The following BBS9 variants were observed in gnomAD, a reference collection of about 807,000 sequenced individuals.
BBS9 encodes Bardet-Biedl syndrome 9.
Under a neutral mutation model 117.7 loss-of-function variants are expected in BBS9, and 89 were observed. The ratio of observed to expected loss-of-function variants is 0.76; its 90% CI spans 0.64 to 0.90. The LOEUF (loss-of-function observed/expected upper bound fraction) is 0.90. Among genes scored for constraint, BBS9 ranks in the 40% least tolerant of loss-of-function variants. The pLI is 0.00. For missense variants in BBS9, 982 were observed against 1,042.2 expected (o/e 0.94, Z 0.80); for synonymous variants, 379 against 370.9 (o/e 1.02, Z -0.25).
chr7:33,531,543 A>G (rs1850581875), intron 20 of BBS9, among the ~76,000 whole-genome samples: 1 of 152,216 alleles, frequency 6.6e-6, no homozygotes, highest in African/African-American at 2.4e-5. Flanking sequence ...GAGCTCATTC[A>G]AAGAAGAGTG....
At chr7:33,165,992 G>T (rs548936978) in intron 4 of BBS9, among the ~76,000 whole-genome samples, 2 of 152,298 alleles carry the variant, frequency 1.3e-5, no homozygotes, top group African/African-American at 2.4e-5. Flanking sequence ...TTTGGTCTTT[G>T]ATGTTGGTGA....
chr7:33,551,429 C>T (rs112931954), intron 21 of BBS9, among the ~76,000 whole-genome samples: 1 of 152,044 alleles, frequency 6.6e-6, no homozygotes, highest in Non-Finnish European at 1.5e-5. Flanking sequence ...TGAATCTTCC[C>T]TTTCAAAATA....
chr7:33,628,710 C>T (rs887044990), intron 21 of BBS9, among the ~76,000 whole-genome samples: 1 of 152,120 alleles, frequency 6.6e-6, no homozygotes, highest in Non-Finnish European at 1.5e-5. Context: ...AGGTAGTGCA[C>T]AGAAATTGGA....
chr7:33,431,121 G>A (rs1035480848), intron 19 of BBS9, among the ~76,000 whole-genome samples: 2 of 151,854 alleles, frequency 1.3e-5, no homozygotes, highest in African/African-American at 4.8e-5. Flanking sequence ...CTTGAGCCTG[G>A]GAGGCAGAGG....
chr7:33,380,997 T>G (rs185160891), intron 17 of BBS9: 1 of 152,228 alleles, frequency 6.6e-6, no homozygotes, highest in East Asian at 1.9e-4. Flanking sequence ...ATGATCTTTC[T>G]TTCACACCGA....
intron 15 of BBS9, among the ~76,000 whole-genome samples, chr7:33,355,550 G>T (rs555032171): frequency 5.3e-5 from 8 of 151,802 alleles, no homozygotes; most frequent in African/African-American, 1.7e-4. Context: ...AAGTATGAGT[G>T]TCATCATTTT....
intron 1 of BBS9, among the ~76,000 whole-genome samples, chr7:33,130,831 G>A (rs986128594): frequency 8.6e-5 from 13 of 151,890 alleles, no homozygotes; most frequent in Non-Finnish European, 1.5e-5. Flanking sequence ...GAGTTTAAGG[G>A]ATTTTTCCTT....
At chr7:33,137,912 CATT>C (rs1790787853) in intron 1 of BBS9, among the ~76,000 whole-genome samples, 1 of 152,172 alleles carries the variant, frequency 6.6e-6, no homozygotes, top group South Asian at 2.1e-4. Context: ...GCATGAAAGT[CATT>C]GTTGTTGCTC....
chr7:33,257,559 AT>A, intron 6 of BBS9, 149 bp downstream of exon 6: 1 of 766,186 alleles, frequency 1.3e-6, no homozygotes, highest in Non-Finnish European at 2.2e-6. Flanking sequence ...AGACTATATC[AT>A]TTACTATTGT....
chr7:33,393,138 C>A (rs1827343035), intron 19 of BBS9, among the ~76,000 whole-genome samples: 1 of 151,976 alleles, frequency 6.6e-6, no homozygotes, highest in Non-Finnish European at 1.5e-5. Context: ...TGTATTCTAG[C>A]CTGGGCAACA....
At chr7:33,382,589 T>C (rs1387574413) in intron 17 of BBS9, among the ~76,000 whole-genome samples, 2 of 152,190 alleles carry the variant, frequency 1.3e-5, no homozygotes, top group Non-Finnish European at 2.9e-5. Context: ...TAAGTCTCTA[T>C]ATAAATTCAG....
At chr7:33,421,507 G>A (rs1041044158) in intron 19 of BBS9, among the ~76,000 whole-genome samples, 8 of 152,080 alleles carry the variant, frequency 5.3e-5, no homozygotes, top group Admixed American at 1.3e-4. Context: ...CCATGAGAAC[G>A]TTTTAACCAG....
chr7:33,344,231 G>A (rs1405997367), intron 11 of BBS9, among the ~76,000 whole-genome samples: 8 of 151,244 alleles, frequency 5.3e-5, no homozygotes, highest in South Asian at 2.1e-4. Flanking sequence ...ACAGGCGCCC[G>A]CCACCGGGCC....
intron 5 of BBS9, among the ~76,000 whole-genome samples, chr7:33,178,602 A>G (rs1483951281): frequency 1.3e-5 from 2 of 152,138 alleles, no homozygotes; most frequent in African/African-American, 2.4e-5. Context: ...CTGTGTGCAT[A>G]TGTATCTATG....
chr7:33,409,791 T>A (rs1394027322), intron 19 of BBS9, among the ~76,000 whole-genome samples: 1 of 152,230 alleles, frequency 6.6e-6, no homozygotes, highest in Non-Finnish European at 1.5e-5. Flanking sequence ...TTTATTAGAC[T>A]ATTATTTTTT....
At chr7:33,297,953 T>A (rs973329533) in intron 9 of BBS9, among the ~76,000 whole-genome samples, 1 of 152,138 alleles carries the variant, frequency 6.6e-6, no homozygotes, top group Non-Finnish European at 1.5e-5. Flanking sequence ...CAAAATTTCA[T>A]TGGGTAGAAA....
chr7:33,473,175 A>G (rs1469907024), intron 19 of BBS9, among the ~76,000 whole-genome samples: 2 of 152,250 alleles, frequency 1.3e-5, no homozygotes, highest in East Asian at 3.8e-4. Flanking sequence ...AATGAAGATA[A>G]ATCTCCAAGT....
chr7:33,168,332 T>C (rs1374203125), intron 4 of BBS9, among the ~76,000 whole-genome samples: 1 of 151,950 alleles, frequency 6.6e-6, no homozygotes, highest in Non-Finnish European at 1.5e-5. Flanking sequence ...TTACAAGAAT[T>C]TTTTTTTGAA....
intron 5 of BBS9, among the ~76,000 whole-genome samples, chr7:33,184,265 G>A (rs1229131699): frequency 1.3e-5 from 2 of 152,138 alleles, no homozygotes; most frequent in East Asian, 1.9e-4. Flanking sequence ...TTTGCTAAGG[G>A]ATCTTTTCCA....
Sources: gnomAD v4.1 joint callset for allele counts (sites outside exome capture counted in the v4.1 genomes callset) on GRCh38, gnomAD v4.1.1 for gene constraint, MANE v1.5 for transcripts, NCBI Gene and HGNC (gene_info 2026-07-23, HGNC 2026-07-21) for gene names.